LRRTM4: variants seen among roughly 807,000 people sequenced by gnomAD.
LRRTM4 encodes leucine rich repeat transmembrane neuronal 4.
In LRRTM4, 25 loss-of-function variants were observed where a neutral mutation model predicts 47.6. The ratio of observed to expected loss-of-function variants is 0.53; its 90% CI spans 0.38 to 0.73. LRRTM4 has a LOEUF of 0.73. Ranked by LOEUF, LRRTM4 falls within the 30% of genes least tolerant of loss-of-function variation. The probability of loss-of-function intolerance (pLI) is 0.00; values close to 1 mark genes in which losing one functional copy is unlikely to be tolerated. For synonymous variants in LRRTM4, 311 were observed against 269.5 expected (o/e 1.15, Z -1.51); for missense variants, 638 against 713.4 (o/e 0.89, Z 1.20).
chr2:77,382,270 GTTTAA>G (rs1489607300), intron 3 of LRRTM4, among the ~76,000 whole-genome samples: 5 of 151,962 alleles, frequency 3.3e-5, no homozygotes, highest in South Asian at 2.1e-4. Context: ...CTGATGGTGT[GTTTAA>G]TTTATTTGCA....
intron 3 of LRRTM4, among the ~76,000 whole-genome samples, chr2:76,864,118 G>C (rs1480090962): frequency 1.3e-5 from 2 of 152,230 alleles, no homozygotes; most frequent in African/African-American, 2.4e-5. Flanking sequence ...GAAAAGTCTT[G>C]GGGAAAATAT....
chr2:77,271,626 C>G (rs1194237959), intron 3 of LRRTM4, among the ~76,000 whole-genome samples: 1 of 152,188 alleles, frequency 6.6e-6, no homozygotes, highest in Non-Finnish European at 1.5e-5. Context: ...GAGTCTACAC[C>G]ATATCATAGC....
At chr2:77,318,266 A>T (rs1359908052) in intron 3 of LRRTM4, among the ~76,000 whole-genome samples, 2 of 152,160 alleles carry the variant, frequency 1.3e-5, no homozygotes, top group Admixed American at 6.6e-5. Context: ...TTGGCCTCCC[A>T]AAGTGTTGGG....
chr2:77,029,052 A>T (rs1169746271), intron 3 of LRRTM4, among the ~76,000 whole-genome samples: 3 of 140,642 alleles, frequency 2.1e-5, no homozygotes, highest in African/African-American at 7.7e-5. Context: ...CACACACACA[A>T]ATATATATAT....
intron 3 of LRRTM4, among the ~76,000 whole-genome samples, chr2:76,839,184 G>A (rs1671603090): frequency 6.6e-6 from 1 of 152,072 alleles, no homozygotes; most frequent in East Asian, 1.9e-4. Flanking sequence ...AATAAGAAGT[G>A]CTCTCCAATG....
intron 3 of LRRTM4, among the ~76,000 whole-genome samples, chr2:76,782,629 C>T (rs145662513): frequency 6.0e-4 from 91 of 152,232 alleles, no homozygotes; most frequent in African/African-American, 1.2e-3. Context: ...ATGCCCTGCA[C>T]GGGTCTGTGC....
chr2:77,455,550 C>G (rs1034196652), intron 3 of LRRTM4, among the ~76,000 whole-genome samples: 2 of 152,004 alleles, frequency 1.3e-5, no homozygotes, highest in African/African-American at 2.4e-5. Flanking sequence ...ATACCTCTCA[C>G]TCTCCATTTT....
At chr2:77,209,250 A>G (rs928395052) in intron 3 of LRRTM4, among the ~76,000 whole-genome samples, 10 of 152,174 alleles carry the variant, frequency 6.6e-5, no homozygotes, top group Non-Finnish European at 8.8e-5. Context: ...ATGAAAACAT[A>G]CTAATGCTAG....
chr2:76,931,870 T>C (rs932471296), intron 3 of LRRTM4, among the ~76,000 whole-genome samples: 1 of 152,076 alleles, frequency 6.6e-6, no homozygotes, highest in African/African-American at 2.4e-5. Context: ...CCCTAAAAAT[T>C]CCTACTAATA....
At chr2:77,285,235 G>A (rs1676617416) in intron 3 of LRRTM4, among the ~76,000 whole-genome samples, 2 of 150,444 alleles carry the variant, frequency 1.3e-5, no homozygotes, top group African/African-American at 4.9e-5. Context: ...AAAAAGCAAT[G>A]GGGATATTTT....
At chr2:77,217,290 T>G (rs1674477136) in intron 3 of LRRTM4, among the ~76,000 whole-genome samples, 1 of 150,096 alleles carries the variant, frequency 6.7e-6, no homozygotes, top group Admixed American at 6.7e-5. Flanking sequence ...GTTAACCTAC[T>G]AGAGATATTA....
intron 3 of LRRTM4, among the ~76,000 whole-genome samples, chr2:76,781,013 C>T (rs1674352864): frequency 6.6e-6 from 1 of 152,200 alleles, no homozygotes; most frequent in African/African-American, 2.4e-5. Flanking sequence ...GTTGGAATAC[C>T]CTGCCGTGTG....
At chr2:76,944,643 G>T (rs1675263202) in intron 3 of LRRTM4, among the ~76,000 whole-genome samples, 1 of 152,052 alleles carries the variant, frequency 6.6e-6, no homozygotes, top group Non-Finnish European at 1.5e-5. Flanking sequence ...GAAGGCAAAA[G>T]AAAAATTTAA....
intron 3 of LRRTM4, among the ~76,000 whole-genome samples, chr2:77,310,931 CATAT>C (rs1329902938): frequency 1.5e-4 from 23 of 150,806 alleles, no homozygotes; most frequent in African/African-American, 5.6e-4. Flanking sequence ...CATACACACA[CATAT>C]ATATAGAGAG....
chr2:76,835,008 C>T (rs114595791), intron 3 of LRRTM4, among the ~76,000 whole-genome samples: 1,848 of 152,220 alleles, frequency 0.012, 34 homozygotes, highest in African/African-American at 0.041. Context: ...CAAGAGAGAT[C>T]ATCCCCATGG....
intron 3 of LRRTM4, among the ~76,000 whole-genome samples, chr2:76,938,454 G>A (rs1044984178): frequency 8.5e-5 from 13 of 152,078 alleles, no homozygotes; most frequent in Admixed American, 2.0e-4. Flanking sequence ...ATGATGAATT[G>A]CATAATTTCA....
chr2:76,879,126 A>G (rs1672857991), intron 3 of LRRTM4, among the ~76,000 whole-genome samples: 1 of 152,240 alleles, frequency 6.6e-6, no homozygotes, highest in Admixed American at 6.5e-5. Context: ...ATAACTCTGC[A>G]GAAAGTTACA....
At chr2:77,448,688 G>A (rs774563218) in intron 3 of LRRTM4, among the ~76,000 whole-genome samples, 1 of 152,084 alleles carries the variant, frequency 6.6e-6, no homozygotes, top group Non-Finnish European at 1.5e-5. Flanking sequence ...GTCTCTTGGA[G>A]GTATAATTCT....
At chr2:76,907,955 T>C (rs1308191341) in intron 3 of LRRTM4, among the ~76,000 whole-genome samples, 6 of 150,454 alleles carry the variant, frequency 4.0e-5, no homozygotes, top group African/African-American at 4.9e-5. Context: ...ACTATTCCAA[T>C]CAATAGAAAA....
Sources: allele counts gnomAD v4.1 joint callset (sites outside exome capture counted in the v4.1 genomes callset), GRCh38; gene constraint gnomAD v4.1.1; transcripts MANE v1.5; gene names NCBI Gene and HGNC (gene_info 2026-07-23, HGNC 2026-07-21).